The following CRAMP1 variants were observed in gnomAD, a reference collection of about 807,000 sequenced individuals.
CRAMP1 encodes cramped chromatin regulator 1, also known as protein cramped-like.
In CRAMP1, 50 loss-of-function variants were observed where a neutral mutation model predicts 115.4. The ratio of observed to expected loss-of-function variants is 0.43; its 90% CI spans 0.35 to 0.55. The LOEUF is 0.55. Among genes scored for constraint, CRAMP1 ranks in the 20% least tolerant of loss-of-function variants. CRAMP1 has a pLI of 0.01. For missense variants in CRAMP1, 1,679 were observed against 1,721.7 expected, an observed-to-expected ratio of 0.98 and a Z score of 0.44; for synonymous variants, 866 against 745.4, an observed-to-expected ratio of 1.16 and a Z score of -2.64.
intron 8 of CRAMP1, among the ~76,000 whole-genome samples, chr16:1,653,516 C>G (rs1217378397): frequency 6.6e-6 from 1 of 152,200 alleles, no homozygotes; most frequent in African/African-American, 2.4e-5. Flanking sequence ...GAAATGGACC[C>G]TTTTTCATTT....
Position 1,674,150 on chromosome 16 carries a change from A to G in CRAMP1, c.*105A>G. The G allele has an allele frequency of 8.6e-7, 1 of 1,161,258 alleles. No homozygotes were observed. The highest frequency in any genetic ancestry group is 2.6e-5 in the East Asian group (1 of 38,812). 71.9% of individuals were successfully genotyped at this position (1,161,258 alleles called of 1,614,324 possible). ...GAACAGAGGCATCTCCGCACCCAAG[A>G]CTGTGCAACGGGCAGGAACGTGGTC... is the stretch of plus-strand genomic sequence containing the variant. On this transcript the variant is annotated 3_prime_UTR_variant, in exon 21 of 21. Coordinates refer to ENST00000397412, the MANE Select transcript of CRAMP1 (RefSeq NM_020825.4).
chr16:1,622,464 T>G (rs1269569974), intron 2 of CRAMP1, among the ~76,000 whole-genome samples: 2 of 152,182 alleles, frequency 1.3e-5, no homozygotes, highest in Non-Finnish European at 2.9e-5. Context: ...AAGCCAGGAT[T>G]GCACCACTGC....
chr16:1,666,039 C>A lies in CRAMP1; in HGVS notation c.2753-34C>A. 6.9e-7 allele frequency: 1 copy of A among 1,441,124 alleles called. No individual in the cohort carries two copies. Among genetic ancestry groups the A allele is most frequent in the Non-Finnish European group, 9.5e-7 (1 of 1,048,600 alleles). 89.3% of individuals were successfully genotyped at this position (1,441,124 alleles called of 1,614,324 possible). On this transcript the variant is annotated intron_variant, in intron 14 of 20. Coordinates refer to ENST00000397412, the MANE Select transcript of CRAMP1 (RefSeq NM_020825.4). The surrounding 1 kb of genome is among the most constrained non-coding windows in gnomAD (Gnocchi z 5.0). The stretch of plus-strand genomic sequence containing the variant: ...CTGCTGTGAGGGCATGGCGGGCGGG[C>A]TCGACATGTCTGCTTTTGCCCTCGC...
At chr16:1,662,739 GC>G in intron 12 of CRAMP1, 21 bp from the exon 13 acceptor site, 2 of 1,613,810 alleles carry the variant, frequency 1.2e-6, no homozygotes, top group Non-Finnish European at 1.7e-6. Context: ...ACCTTCAGGT[GC>G]CGGACGCTGC....
intron 8 of CRAMP1, among the ~76,000 whole-genome samples, chr16:1,654,915 C>T (rs997968248): frequency 1.3e-5 from 2 of 152,258 alleles, no homozygotes; most frequent in Non-Finnish European, 2.9e-5. Flanking sequence ...AGCTGGTAGA[C>T]TAGGCAGAGG....
intron 2 of CRAMP1, among the ~76,000 whole-genome samples, chr16:1,621,522 G>A (rs1276491207): frequency 6.6e-6 from 1 of 152,212 alleles, no homozygotes; most frequent in East Asian, 1.9e-4. Context: ...CACGGGCTAA[G>A]CAGGAAGGTG....
intron 6 of CRAMP1, among the ~76,000 whole-genome samples, chr16:1,651,520 A>T (rs1358740479): frequency 6.6e-6 from 1 of 151,376 alleles, no homozygotes; most frequent in East Asian, 2.0e-4. Flanking sequence ...CAGGTCATCT[A>T]GAGGTGGACT....
chr16:1,654,401 G>T (rs559933246), intron 8 of CRAMP1, among the ~76,000 whole-genome samples: 1 of 151,834 alleles, frequency 6.6e-6, no homozygotes, highest in East Asian at 2.0e-4. Flanking sequence ...TAGTAGAAAC[G>T]GGGTTTCACC....
At chr16:1,662,709 C>A (rs781775633) in intron 12 of CRAMP1, 38 bp downstream of exon 12, 1 of 1,613,644 alleles carries the variant, frequency 6.2e-7, no homozygotes, top group Admixed American at 1.7e-5. Context: ...GTGCGAGCGT[C>A]CCCGTGGTCT....
chr16:1,636,028 C>G (rs1284181891), intron 4 of CRAMP1, among the ~76,000 whole-genome samples: 1 of 152,204 alleles, frequency 6.6e-6, no homozygotes, highest in Non-Finnish European at 1.5e-5. Flanking sequence ...TTTTGCTTGT[C>G]TACTGAATAG....
Position 1,614,711 on chromosome 16 carries a change from T to C in CRAMP1, c.72T>C (p.Asp24=). Reference sequence around the variant, plus strand: ...AGAAGCTGGGCAAGCGGGCGGCCGATGAGGAGTCCCTGGAAGGAGAAGGGG... The same window carrying C: ...AGAAGCTGGGCAAGCGGGCGGCCGACGAGGAGTCCCTGGAAGGAGAAGGGG... The part of the protein sequence containing the change: ...GLKKLGKRAA[D]EESLEGEGAG... Residue 24 remains aspartate, a synonymous_variant, in exon 2 of 21, where the codon GAT becomes GAC. Transcript: ENST00000397412. This position sits in a 1 kb window ranked among gnomAD's most constrained non-coding sequence, Gnocchi z 4.4. 7.4e-7 allele frequency: 1 copy of C among 1,347,200 alleles called. No homozygotes were observed. The highest frequency in any genetic ancestry group is 9.6e-7 in the Non-Finnish European group (1 of 1,040,048). The allele number at this position is 1,347,200 out of a possible 1,614,324, so 83.5% of individuals were successfully genotyped here.
rs1249217826 is a variant in CRAMP1 at position 1,656,717 on chromosome 16, G to A, written c.1960G>A (p.Gly654Arg). 3.2e-6 allele frequency: 5 copies of A among 1,553,740 alleles called. No homozygotes were observed. The highest frequency in any genetic ancestry group is 2.4e-5 in the South Asian group (2 of 84,258). Residue 654 changes from glycine to arginine, a missense_variant, in exon 10 of 21, where the codon GGA becomes AGA. Transcript: ENST00000397412. The surrounding 1 kb of genome is among the most constrained non-coding windows in gnomAD (Gnocchi z 5.6). ...CCCCGCGGGGCCTCCGCCGTCTCAG[G>A]GACAGCCTGCCGCCAGGCCCCCGAA... ...GSPAGPPPSQ[G>R]QPAARPPKEV...
rs566116319 is a variant in CRAMP1 at position 1,666,919 on chromosome 16, T to A, written c.3036+319T>A. Among the ~76,000 whole-genome samples, 1 of 152,234 alleles carries A rather than the reference T, an allele frequency of 6.6e-6. No individual in the cohort carries two copies. Among genetic ancestry groups the A allele is most frequent in the Non-Finnish European group, 1.5e-5 (1 of 68,038 alleles). ...CGCTGTGCTCGGACACCACTGAGCATCTCTTTCATCTGGGAAGAGAGCAGC... is the reference window on the plus strand; with the variant it reads ...CGCTGTGCTCGGACACCACTGAGCAACTCTTTCATCTGGGAAGAGAGCAGC... On this transcript the variant is annotated intron_variant, in intron 16 of 20. Transcript: ENST00000397412. This position sits in a 1 kb window ranked among gnomAD's most constrained non-coding sequence, Gnocchi z 5.0.
chr16:1,656,761 G>C lies in CRAMP1; in HGVS notation c.2004G>C (p.Arg668=), dbSNP rs917106600. The C allele has an allele frequency of 6.5e-7, 1 of 1,548,010 alleles. No individual in the cohort carries two copies. Among genetic ancestry groups the C allele is most frequent in the Non-Finnish European group, 8.7e-7 (1 of 1,145,198 alleles). The change falls in exon 10 of 21, where the codon CGG becomes CGC. Residue 668 remains arginine, a synonymous_variant. Coordinates refer to ENST00000397412, the MANE Select transcript of CRAMP1 (RefSeq NM_020825.4). The surrounding 1 kb of genome is among the most constrained non-coding windows in gnomAD (Gnocchi z 5.6). ...CCCCGAAGGAGGTCCCCGCCAGCCG[G>C]CTGGCTCAGCAGCTCCGTGAGGAGG... ...ARPPKEVPAS[R]LAQQLREEGW... is the part of the protein sequence containing the mutation.
At chr16:1,619,160 C>T (rs1418369634) in intron 2 of CRAMP1, among the ~76,000 whole-genome samples, 3 of 152,124 alleles carry the variant, frequency 2.0e-5, no homozygotes, top group East Asian at 1.9e-4. Context: ...ACATAAGTAA[C>T]AACAGCGGGG....
intron 2 of CRAMP1, among the ~76,000 whole-genome samples, chr16:1,615,345 C>A (rs567270271): frequency 1.3e-5 from 2 of 152,320 alleles, no homozygotes. Context: ...CCTGCTGTAT[C>A]TCTTTCCCAG....
chr16:1,653,840 A>G (rs1177653783), intron 8 of CRAMP1, among the ~76,000 whole-genome samples: 1 of 138,496 alleles, frequency 7.2e-6, no homozygotes, highest in Non-Finnish European at 1.6e-5. Context: ...AAAAAAAACA[A>G]ACAAAAAAGA....
chr16:1,630,007 C>T (rs958858138), intron 3 of CRAMP1, among the ~76,000 whole-genome samples: 1 of 152,040 alleles, frequency 6.6e-6, no homozygotes, highest in Non-Finnish European at 1.5e-5. Context: ...CCTCACGGTC[C>T]CCCAGCTGCC....
chr16:1,643,812 C>T (rs992240508), intron 6 of CRAMP1, among the ~76,000 whole-genome samples: 3 of 152,208 alleles, frequency 2.0e-5, no homozygotes, highest in Non-Finnish European at 4.4e-5. Flanking sequence ...CTCCAGGCCG[C>T]GTGTTGGGCA....
Sources: gnomAD v4.1 joint callset for allele counts (sites outside exome capture counted in the v4.1 genomes callset) on GRCh38, gnomAD v4.1.1 for gene constraint, Gnocchi (gnomAD v3.1) non-coding constraint, MANE v1.5 for transcripts, NCBI Gene and HGNC (gene_info 2026-07-23, HGNC 2026-07-21) for gene names.